The following SLC9B1 variants were observed in gnomAD, a reference collection of about 807,000 sequenced individuals.
The protein encoded by SLC9B1 is sodium/hydrogen exchanger 9B1.
Under a neutral mutation model 51.7 loss-of-function variants are expected in SLC9B1, and 32 were observed. The observed-to-expected ratio is 0.62, with a 90% CI of 0.47 to 0.83. SLC9B1 has a LOEUF of 0.83. Among genes scored for constraint, SLC9B1 ranks in the 40% least tolerant of loss-of-function variants. The pLI, the probability that SLC9B1 is intolerant of heterozygous loss-of-function variation, is 0.00. For missense variants in SLC9B1, 406 were observed against 613.2 expected, an observed-to-expected ratio of 0.66 and a Z score of 3.57; for synonymous variants, 145 against 212.7, an observed-to-expected ratio of 0.68 and a Z score of 2.77.
chr4:102,890,333 A>G (rs1459747546), intron 11 of SLC9B1: 4 of 152,262 alleles, frequency 2.6e-5, no homozygotes, highest in Non-Finnish European at 2.9e-5. Flanking sequence ...GTCTTCCAAT[A>G]GAAATGTGCT....
intron 3 of SLC9B1, among the ~76,000 whole-genome samples, chr4:102,956,261 C>T (rs1164104755): frequency 4.0e-5 from 6 of 150,456 alleles, no homozygotes; most frequent in Admixed American, 1.3e-4. Flanking sequence ...TTTCCCTTTG[C>T]TAATTTTGCT....
intron 11 of SLC9B1, among the ~76,000 whole-genome samples, chr4:102,894,281 A>G (rs1020706206): frequency 6.6e-5 from 10 of 152,248 alleles, no homozygotes; most frequent in African/African-American, 1.9e-4. Flanking sequence ...CAACGTTTCA[A>G]TTAAAACAAG....
chr4:102,941,511 G>C (rs1283910800), intron 6 of SLC9B1: 1 of 454,634 alleles, frequency 2.2e-6, no homozygotes, highest in East Asian at 7.0e-5. Flanking sequence ...TGGCGAGCTT[G>C]GGGAGCTACT....
intron 1 of SLC9B1, among the ~76,000 whole-genome samples, chr4:103,013,498 T>C (rs1037612240): frequency 6.6e-6 from 1 of 152,206 alleles, no homozygotes. Flanking sequence ...TCTCACTCTA[T>C]ATACATTTCT....
intron 3 of SLC9B1, among the ~76,000 whole-genome samples, chr4:102,952,769 T>C (rs1224562868): frequency 4.3e-5 from 3 of 70,006 alleles, no homozygotes; most frequent in African/African-American, 1.9e-4. Flanking sequence ...AAATGTCTTC[T>C]TTTGAGAAGT....
intron 6 of SLC9B1, among the ~76,000 whole-genome samples, chr4:102,937,723 C>CA (rs35545999): frequency 0.051 from 2,899 of 56,346 alleles, 91 homozygotes; most frequent in African/African-American, 0.069. Flanking sequence ...ACTCTGTCGC[C>CA]AAAAAAAAAA....
At chr4:102,991,214 TATTACTA>T (rs1282611521) in intron 2 of SLC9B1, among the ~76,000 whole-genome samples, 1 of 152,034 alleles carries the variant, frequency 6.6e-6, no homozygotes, top group Non-Finnish European at 1.5e-5. Flanking sequence ...TATGAGCAAT[TATTACTA>T]AGTAAAACTA....
At chr4:103,010,429 C>T (rs1281743022) in intron 1 of SLC9B1, among the ~76,000 whole-genome samples, 2 of 152,224 alleles carry the variant, frequency 1.3e-5, no homozygotes, top group African/African-American at 2.4e-5. Flanking sequence ...AAAGGTCCCA[C>T]CTCTTGATAC....
intron 11 of SLC9B1, among the ~76,000 whole-genome samples, chr4:102,894,368 T>C (rs1412417184): frequency 6.6e-6 from 1 of 152,198 alleles, no homozygotes; most frequent in Non-Finnish European, 1.5e-5. Context: ...AACAAGATTT[T>C]TAAATGAAAT....
At chr4:103,017,169 C>A (rs1238582398) in intron 1 of SLC9B1, among the ~76,000 whole-genome samples, 1 of 152,062 alleles carries the variant, frequency 6.6e-6, no homozygotes, top group Non-Finnish European at 1.5e-5. Context: ...CAAAACATCA[C>A]AAAATCTGTA....
At chr4:102,976,690 T>C (rs777780876) in intron 3 of SLC9B1, among the ~76,000 whole-genome samples, 1 of 152,202 alleles carries the variant, frequency 6.6e-6, no homozygotes, top group Non-Finnish European at 1.5e-5. Flanking sequence ...AGGGATAGGA[T>C]GGACACAGAT....
At chr4:102,927,587 G>C (rs565794078) in intron 7 of SLC9B1, among the ~76,000 whole-genome samples, 1 of 152,204 alleles carries the variant, frequency 6.6e-6, no homozygotes, top group Non-Finnish European at 1.5e-5. Flanking sequence ...AGATGCTGGA[G>C]AGCATATGGA....
chr4:102,961,049 A>C (rs4698867), intron 3 of SLC9B1, among the ~76,000 whole-genome samples: 83,222 of 151,956 alleles, frequency 0.55, 23,381 homozygotes, highest in African/African-American at 0.69. Flanking sequence ...TACTTTCTAA[A>C]AATTATATCA....
Position 102,958,304 on chromosome 4 carries a change from C to T in SLC9B1, c.212-8877G>A, listed in dbSNP as rs572588930. ...CCCCTTGCTCTTTTACTCCTGCTTTCGCTATGTGACATGTCTTTGCCTTCT... is the reference window on the plus strand; with the variant it reads ...CCCCTTGCTCTTTTACTCCTGCTTTTGCTATGTGACATGTCTTTGCCTTCT... On this transcript the variant is annotated intron_variant, in intron 3 of 11. Transcript: ENST00000296422. 1.1e-4 allele frequency among the ~76,000 whole-genome samples: 17 copies of T among 152,272 alleles called. No individual in the cohort carries two copies. The South Asian group carries it at 2.7e-3, about 24-fold the overall frequency.
In SLC9B1 at chr4:103,017,131, G is replaced by A. The variant is rs538868670; in HGVS notation, c.-2+2468C>T. 9.3e-4 allele frequency: 142 copies of A among 152,230 alleles called. 2 individuals are homozygous for A. The highest frequency in any genetic ancestry group is 3.3e-3 in the African/African-American group (139 of 41,526). 9.4% of individuals were successfully genotyped at this position (152,230 alleles called of 1,614,324 possible). A position where few individuals can be genotyped will look rare whatever the true frequency, so the allele number is the denominator to read the frequency against. The stretch of plus-strand genomic sequence containing the variant: ...CAAGACAAAAATTTAGGGGCTAGAG[G>A]TGACTCCTTTTTCATCACCTCTATA... On this transcript the variant is annotated intron_variant, in intron 1 of 11. Transcript: ENST00000296422.
intron 1 of SLC9B1, among the ~76,000 whole-genome samples, chr4:103,018,952 ATG>A (rs1741575191): frequency 6.6e-6 from 1 of 152,180 alleles, no homozygotes; most frequent in South Asian, 2.1e-4. Context: ...TGAACTGCGC[ATG>A]TGAGGGATCT....
chr4:102,916,530 G>C lies in SLC9B1; in HGVS notation c.830-4993C>G, dbSNP rs192118747. Among the ~76,000 whole-genome samples the C allele has an allele frequency of 1.1e-4, 17 of 152,218 alleles. No homozygotes were observed. The East Asian group carries it at 3.3e-3, about 29-fold the overall frequency. On this transcript the variant is annotated intron_variant, in intron 7 of 11. Transcript: ENST00000296422. ...CTTTCAATTATGGATACAATAACCA[G>C]ACAGAAGATCAACTGGAAAACAGAG... is the stretch of plus-strand genomic sequence containing the variant.
intron 6 of SLC9B1, 128 bp from the exon 7 acceptor site, chr4:102,932,427 A>C (rs1736506966): frequency 2.3e-6 from 2 of 851,662 alleles, no homozygotes; most frequent in Non-Finnish European, 3.6e-6. Flanking sequence ...GAGTGAATGC[A>C]ATTTAATGGT....
intron 4 of SLC9B1, among the ~76,000 whole-genome samples, chr4:102,947,257 A>G (rs1393495206): frequency 6.6e-6 from 1 of 152,210 alleles, no homozygotes; most frequent in Non-Finnish European, 1.5e-5. Context: ...GCAAAAGAGA[A>G]AGTTTGGAGA....
Sources: allele counts gnomAD v4.1 joint callset (sites outside exome capture counted in the v4.1 genomes callset), GRCh38; gene constraint gnomAD v4.1.1; transcripts MANE v1.5; gene names NCBI Gene and HGNC (gene_info 2026-07-23, HGNC 2026-07-21).